BNC2: variants seen among roughly 807,000 people sequenced by gnomAD.
BNC2 encodes basonuclin zinc finger protein 2.
In BNC2, 20 loss-of-function variants were observed where a neutral mutation model predicts 76.3. That is an observed-to-expected ratio of 0.26 (90% CI 0.18 to 0.38). The LOEUF is 0.38. BNC2 is among the 10% of genes least tolerant of loss of function. The pLI, the probability that BNC2 is intolerant of heterozygous loss-of-function variation, is 1.00. For missense variants in BNC2, 1,382 were observed against 1,399.8 expected (o/e 0.99, Z 0.20); for synonymous variants, 582 against 514.8 (o/e 1.13, Z -1.77).
In BNC2 at chr9:16,409,657, GA is replaced by G. The variant is rs911673753; in HGVS notation, c.*9331del. The G allele has an allele frequency of 6.6e-6, 1 of 152,544 alleles. No individual in the cohort carries two copies. Among genetic ancestry groups the G allele is most frequent in the Non-Finnish European group, 1.5e-5 (1 of 68,034 alleles). The allele number at this position is 152,544 out of a possible 1,614,324, so 9.4% of individuals were successfully genotyped here. A position where few individuals can be genotyped will look rare whatever the true frequency, so the allele number is the denominator to read the frequency against. Reference sequence around the variant, plus strand: ...ACATACTGTAGGCAGTTATAGTACAGAAAATACAACCAAAGTAACAGCAAAT... The same window carrying G: ...ACATACTGTAGGCAGTTATAGTACAGAAATACAACCAAAGTAACAGCAAAT... On this transcript the variant is annotated 3_prime_UTR_variant, in exon 7 of 7. Transcript: ENST00000380672.
chr9:16,674,160 G>A (rs1389675236), intron 3 of BNC2, among the ~76,000 whole-genome samples: 1 of 152,114 alleles, frequency 6.6e-6, no homozygotes, highest in Non-Finnish European at 1.5e-5. Flanking sequence ...GTTCCCAGAG[G>A]CTTAGGGGAC....
chr9:16,665,386 A>AAAGAGTG (rs1554702315), intron 3 of BNC2, among the ~76,000 whole-genome samples: 1 of 84,302 alleles, frequency 1.2e-5, no homozygotes, highest in Non-Finnish European at 2.1e-5. Flanking sequence ...AAAAAAAAAA[A>AAAGAGTG]AGAGAGAGAG....
intron 3 of BNC2, among the ~76,000 whole-genome samples, chr9:16,593,164 G>GA (rs1401450066): frequency 2.0e-5 from 3 of 151,966 alleles, no homozygotes; most frequent in East Asian, 1.9e-4. Context: ...TTACTGTGAT[G>GA]AAAAAAATTA....
chr9:16,635,652 T>C (rs1170183059), intron 3 of BNC2, among the ~76,000 whole-genome samples: 1 of 152,214 alleles, frequency 6.6e-6, no homozygotes, highest in Non-Finnish European at 1.5e-5. Flanking sequence ...TATTTCAAAA[T>C]TGGACAGACA....
chr9:16,730,018 A>C (rs1587359750), intron 2 of BNC2, among the ~76,000 whole-genome samples: 32 of 136,086 alleles, frequency 2.4e-4, no homozygotes, highest in South Asian at 7.3e-4. Context: ...CCCCTCCTTC[A>C]CTCCCTCTTC....
At chr9:16,475,780 T>G (rs890528555) in intron 5 of BNC2, among the ~76,000 whole-genome samples, 1 of 152,196 alleles carries the variant, frequency 6.6e-6, no homozygotes, top group Non-Finnish European at 1.5e-5. Flanking sequence ...CCAAACTGCC[T>G]ACTGTAAAGG....
intron 1 of BNC2, among the ~76,000 whole-genome samples, chr9:16,818,835 T>TA (rs930637296): frequency 6.0e-5 from 9 of 150,988 alleles, no homozygotes; most frequent in East Asian, 2.0e-4. Flanking sequence ...AATGAATTTT[T>TA]AAAAAAAATT....
intron 1 of BNC2, among the ~76,000 whole-genome samples, chr9:16,788,415 T>C (rs901499427): frequency 1.3e-5 from 2 of 151,616 alleles, no homozygotes; most frequent in Admixed American, 6.6e-5. Context: ...TAGCCGGGCG[T>C]GGTGGTAGGC....
At chr9:16,794,327 G>A (rs1000192853) in intron 1 of BNC2, among the ~76,000 whole-genome samples, 3 of 152,162 alleles carry the variant, frequency 2.0e-5, no homozygotes, top group Non-Finnish European at 4.4e-5. Context: ...TCACTGCCGA[G>A]GGGAATGCAA....
intron 5 of BNC2, among the ~76,000 whole-genome samples, chr9:16,518,889 C>G (rs763643119): frequency 6.6e-6 from 1 of 152,238 alleles, no homozygotes; most frequent in Non-Finnish European, 1.5e-5. Context: ...GCGTGAGCCA[C>G]TGAGCCCGGC....
rs541719689 is a variant in BNC2 at position 16,463,568 on chromosome 9, C to T, written c.670-26044G>A. Among the ~76,000 whole-genome samples the T allele has an allele frequency of 1.3e-4, 18 of 143,700 alleles. 1 individual carries two copies. In the South Asian group the frequency reaches 2.7e-3, roughly 22 times the overall value. The allele number at this position is 143,700 out of a possible 152,430, so 94.3% of individuals were successfully genotyped here. The stretch of plus-strand genomic sequence containing the variant: ...GCCTCGGCCTCCCAAAGTGCTGGGA[C>T]TACAGGCGTGAGCCACCGCGCCCGG... On this transcript the variant is annotated intron_variant, in intron 5 of 6. Transcript: ENST00000380672.
At chr9:16,515,815 A>AAT (rs1210344929) in intron 5 of BNC2, among the ~76,000 whole-genome samples, 1 of 148,470 alleles carries the variant, frequency 6.7e-6, no homozygotes, top group East Asian at 2.2e-4. Flanking sequence ...TGCTAAAAAA[A>AAT]AGATATATAT....
chr9:16,443,625 A>G (rs1821173846), intron 5 of BNC2, among the ~76,000 whole-genome samples: 1 of 152,030 alleles, frequency 6.6e-6, no homozygotes, highest in African/African-American at 2.4e-5. Context: ...AGGGGTAAAG[A>G]AATTGTGAGA....
chr9:16,735,741 T>C (rs915283143), intron 2 of BNC2, among the ~76,000 whole-genome samples: 16 of 151,934 alleles, frequency 1.1e-4, no homozygotes, highest in South Asian at 2.1e-4. Context: ...CTGGCCTCAA[T>C]TGATCTGCCC....
intron 5 of BNC2, among the ~76,000 whole-genome samples, chr9:16,513,299 C>CTTTT (rs1202222924): frequency 4.8e-4 from 41 of 85,550 alleles, no homozygotes; most frequent in Non-Finnish European, 7.1e-4. Context: ...AGAAAAGGTT[C>CTTTT]TTTTTTTTTT....
At chr9:16,542,167 A>G (rs1429139719) in intron 5 of BNC2, among the ~76,000 whole-genome samples, 1 of 152,200 alleles carries the variant, frequency 6.6e-6, no homozygotes, top group African/African-American at 2.4e-5. Context: ...TTCCTTACAG[A>G]GAGAACCTTT....
At chr9:16,611,598 G>C (rs1820546182) in intron 3 of BNC2, among the ~76,000 whole-genome samples, 1 of 151,736 alleles carries the variant, frequency 6.6e-6, no homozygotes, top group African/African-American at 2.4e-5. Flanking sequence ...ATTGCATAAA[G>C]AACAACAACA....
At chr9:16,444,127 T>C (rs970204367) in intron 5 of BNC2, among the ~76,000 whole-genome samples, 1 of 152,146 alleles carries the variant, frequency 6.6e-6, no homozygotes, top group East Asian at 1.9e-4. Context: ...ATGCTCCCAT[T>C]TGCTCCTATT....
At chr9:16,553,482 A>G (rs932024729) in intron 4 of BNC2, among the ~76,000 whole-genome samples, 1 of 152,228 alleles carries the variant, frequency 6.6e-6, no homozygotes, top group African/African-American at 2.4e-5. Context: ...AAGAAAATTA[A>G]AGTCATAATT....
Sources: gnomAD v4.1 joint callset for allele counts (sites outside exome capture counted in the v4.1 genomes callset) on GRCh38, gnomAD v4.1.1 for gene constraint, MANE v1.5 for transcripts, NCBI Gene and HGNC (gene_info 2026-07-23, HGNC 2026-07-21) for gene names.